MCF2L2: variants seen among roughly 807,000 people sequenced by gnomAD.
MCF2L2 encodes MCF.2 cell line derived transforming sequence-like 2.
A neutral mutation model predicts 150.2 loss-of-function variants in MCF2L2; 102 were observed. The observed-to-expected ratio is 0.68, with a 90% CI of 0.58 to 0.80. The LOEUF (loss-of-function observed/expected upper bound fraction) is 0.80. MCF2L2 is among the 30% of genes least tolerant of loss of function. The pLI, the probability that MCF2L2 is intolerant of heterozygous loss-of-function variation, is 0.00. For synonymous variants in MCF2L2, 465 were observed against 491.3 expected (o/e 0.95, Z 0.71); for missense variants, 1,256 against 1,372.8 (o/e 0.91, Z 1.34).
At chr3:183,393,995 C>G (rs938028998) in intron 1 of MCF2L2, among the ~76,000 whole-genome samples, 4 of 152,056 alleles carry the variant, frequency 2.6e-5, no homozygotes, top group Non-Finnish European at 4.4e-5. Flanking sequence ...TTAAAAGATT[C>G]AAGTATGATC....
intron 14 of MCF2L2, among the ~76,000 whole-genome samples, chr3:183,288,065 C>A (rs1456649444): frequency 1.3e-5 from 2 of 152,198 alleles, no homozygotes; most frequent in African/African-American, 4.8e-5. Flanking sequence ...ATTCACAATT[C>A]ACAATTAAAT....
In MCF2L2 at chr3:183,216,217, G is replaced by C. The variant is rs1560346817; in HGVS notation, c.2371-123C>G. ...ACCCTGACTGAGAAGGGTGGATATT[G>C]ATCTGTCTCCCTGCTCCCAAAGCAT... On this transcript the variant is annotated intron_variant, in intron 21 of 29. Coordinates refer to ENST00000328913, the MANE Select transcript of MCF2L2 (RefSeq NM_015078.4). The C allele has an allele frequency of 1.3e-5, 14 of 1,047,836 alleles. No individual in the cohort carries two copies. In the South Asian group the frequency reaches 2.0e-4, roughly 15 times the overall value. 64.9% of individuals were successfully genotyped at this position (1,047,836 alleles called of 1,614,324 possible). A position where few individuals can be genotyped will look rare whatever the true frequency, so the allele number is the denominator to read the frequency against.
chr3:183,248,005 G>A (rs1425515254), intron 15 of MCF2L2, among the ~76,000 whole-genome samples: 9 of 152,128 alleles, frequency 5.9e-5, no homozygotes, highest in East Asian at 1.9e-4. Flanking sequence ...TCAAAGAGCC[G>A]AAAATGTTGG....
At chr3:183,400,407 C>T (rs913931136) in intron 1 of MCF2L2, 9 of 456,446 alleles carry the variant, frequency 2.0e-5, no homozygotes, top group African/African-American at 1.8e-4. Flanking sequence ...GTGATAGGCC[C>T]TCATCTCTGC....
At chr3:183,272,729 ATAAT>A in intron 15 of MCF2L2, 1 of 1,035,488 alleles carries the variant, frequency 9.7e-7, no homozygotes, top group South Asian at 4.5e-5. Flanking sequence ...CAACAAGCTT[ATAAT>A]TAATTTTTAT....
chr3:183,257,506 C>T (rs1047282964), intron 15 of MCF2L2, among the ~76,000 whole-genome samples: 1 of 152,042 alleles, frequency 6.6e-6, no homozygotes, highest in Non-Finnish European at 1.5e-5. Flanking sequence ...TCAGGGCTGC[C>T]CGCTGTAATG....
rs182754190 is a variant in MCF2L2 at position 183,210,704 on chromosome 3, G to A, written c.2497-2881C>T. 9.8e-5 allele frequency among the ~76,000 whole-genome samples: 15 copies of A among 152,320 alleles called. No individual in the cohort carries two copies. In the East Asian group the frequency reaches 2.7e-3, roughly 27 times the overall value. On this transcript the variant is annotated intron_variant, in intron 22 of 29. Coordinates refer to ENST00000328913, the MANE Select transcript of MCF2L2 (RefSeq NM_015078.4). Reference sequence around the variant, plus strand: ...TAATGACTTGTGAAGATGGGGTGACGTGAGTTAAGGCATCCACAAGGCTAT... The same window carrying A: ...TAATGACTTGTGAAGATGGGGTGACATGAGTTAAGGCATCCACAAGGCTAT...
chr3:183,382,410 A>C (rs1288487196), intron 2 of MCF2L2, among the ~76,000 whole-genome samples: 1 of 152,166 alleles, frequency 6.6e-6, no homozygotes, highest in Non-Finnish European at 1.5e-5. Flanking sequence ...CACCTAAATG[A>C]AAAAAGGTGA....
In MCF2L2 at chr3:183,301,690, G is replaced by A. The variant is rs371610063; in HGVS notation, c.1114-1494C>T. Among the ~76,000 whole-genome samples the A allele has an allele frequency of 1.6e-4, 25 of 152,054 alleles. No individual in the cohort carries two copies. In the South Asian group the frequency reaches 2.3e-3, roughly 14 times the overall value. Reference sequence around the variant, plus strand: ...TGCGCCGATAGTCCCAGCTACTCTGGAAGCTGAGGCAGGAGAATTGCTTGA... The same window carrying A: ...TGCGCCGATAGTCCCAGCTACTCTGAAAGCTGAGGCAGGAGAATTGCTTGA... On this transcript the variant is annotated intron_variant, in intron 10 of 29. Coordinates refer to ENST00000328913, the MANE Select transcript of MCF2L2 (RefSeq NM_015078.4).
chr3:183,205,135 C>T (rs1722426652), intron 25 of MCF2L2, among the ~76,000 whole-genome samples: 1 of 152,184 alleles, frequency 6.6e-6, no homozygotes. Context: ...AATCCCAGCA[C>T]TTTGGGAGGC....
At chr3:183,427,469 T>G (rs1156884028) in intron 1 of MCF2L2, among the ~76,000 whole-genome samples, 1 of 152,174 alleles carries the variant, frequency 6.6e-6, no homozygotes, top group Non-Finnish European at 1.5e-5. Flanking sequence ...TCCCTGCACT[T>G]TCTTATAAAC....
chr3:183,325,813 T>A (rs1363252118), intron 5 of MCF2L2, among the ~76,000 whole-genome samples: 2 of 152,162 alleles, frequency 1.3e-5, no homozygotes, highest in East Asian at 3.8e-4. Context: ...AAGCTTTAGA[T>A]GACGAAGAGG....
chr3:183,296,305 C>G (rs190960766), intron 12 of MCF2L2: 1 of 152,618 alleles, frequency 6.6e-6, no homozygotes, highest in Admixed American at 6.5e-5. Flanking sequence ...AATCCAAACT[C>G]GCTCATGTGG....
intron 22 of MCF2L2, among the ~76,000 whole-genome samples, chr3:183,209,230 T>C (rs776926259): frequency 6.6e-6 from 1 of 152,204 alleles, no homozygotes; most frequent in Non-Finnish European, 1.5e-5. Flanking sequence ...CAATTCATAA[T>C]CAATATCGAC....
chr3:183,239,889 G>A (rs1723933257), intron 15 of MCF2L2, among the ~76,000 whole-genome samples: 1 of 152,062 alleles, frequency 6.6e-6, no homozygotes, highest in African/African-American at 2.4e-5. Flanking sequence ...TTTTCACCTG[G>A]ATGCCTCCCA....
chr3:183,395,956 A>AAAGAAATG (rs1414676977), intron 1 of MCF2L2, among the ~76,000 whole-genome samples: 3 of 150,516 alleles, frequency 2.0e-5, no homozygotes, highest in Non-Finnish European at 4.4e-5. Context: ...AGAAAGAAAG[A>AAAGAAATG]AAGAAATGGA....
intron 14 of MCF2L2, among the ~76,000 whole-genome samples, chr3:183,284,500 G>C (rs183162805): frequency 1.3e-3 from 192 of 152,214 alleles, no homozygotes; most frequent in Non-Finnish European, 1.9e-3. Flanking sequence ...TCAGGAGTTC[G>C]AGACCAGCCT....
intron 13 of MCF2L2, among the ~76,000 whole-genome samples, chr3:183,293,805 T>C (rs562440434): frequency 5.0e-4 from 76 of 152,332 alleles, no homozygotes; most frequent in African/African-American, 1.8e-3. Context: ...TAGGATTATA[T>C]TTCTATATAG....
At chr3:183,324,600 G>A (rs1469130756) in intron 5 of MCF2L2, among the ~76,000 whole-genome samples, 2 of 152,098 alleles carry the variant, frequency 1.3e-5, no homozygotes, top group African/African-American at 4.8e-5. Flanking sequence ...AGGTACGGTG[G>A]TTTGCACCTG....
Sources: gnomAD v4.1 joint callset for allele counts (sites outside exome capture counted in the v4.1 genomes callset) on GRCh38, gnomAD v4.1.1 for gene constraint, MANE v1.5 for transcripts, NCBI Gene and HGNC (gene_info 2026-07-23, HGNC 2026-07-21) for gene names.